The following VTA1 variants were observed in gnomAD, a reference collection of about 807,000 sequenced individuals.
VTA1 encodes the protein vacuolar protein sorting-associated protein VTA1 homolog.
Under a neutral mutation model 36.9 loss-of-function variants are expected in VTA1, and 24 were observed. The ratio of observed to expected loss-of-function variants is 0.65; its 90% confidence interval spans 0.47 to 0.91. VTA1 has a LOEUF of 0.91. Ranked by LOEUF, VTA1 falls within the 40% of genes least tolerant of loss-of-function variation. The pLI is 0.00. For synonymous variants in VTA1, 142 were observed against 130.2 expected, an observed-to-expected ratio of 1.09 and a Z score of -0.62; for missense variants, 393 against 377.2, an observed-to-expected ratio of 1.04 and a Z score of -0.35.
chr6:142,195,010 A>G (rs1219996984), intron 5 of VTA1, among the ~76,000 whole-genome samples: 2 of 152,118 alleles, frequency 1.3e-5, no homozygotes, highest in African/African-American at 4.8e-5. Context: ...GAGGCCTTGT[A>G]TTATATGGCT....
Position 142,189,543 on chromosome 6 carries a change from T to G in VTA1, c.520+9T>G, listed in dbSNP as rs200416483. 2 of 467,816 alleles carry G rather than the reference T, an allele frequency of 4.3e-6. No individual in the cohort carries two copies. Among genetic ancestry groups the G allele is most frequent in the African/African-American group, 3.7e-5 (2 of 53,848 alleles). The allele number at this position is 467,816 out of a possible 1,614,324, so 29.0% of individuals were successfully genotyped here. On this transcript the variant is annotated intron_variant, in intron 5 of 7. Transcript: ENST00000367630. ...AATTGAAGAAGATAATGGTATGTAT[T>G]TATTTATTCTGAGTAAAAGGACTTA... is the stretch of plus-strand genomic sequence containing the variant.
intron 1 of VTA1, among the ~76,000 whole-genome samples, chr6:142,158,467 G>T (rs976940648): frequency 6.6e-6 from 1 of 152,196 alleles, no homozygotes; most frequent in East Asian, 1.9e-4. Context: ...GTGACTAAAT[G>T]AATACATGAT....
chr6:142,151,949 G>T (rs768801093), intron 1 of VTA1, among the ~76,000 whole-genome samples: 3 of 152,170 alleles, frequency 2.0e-5, no homozygotes, highest in African/African-American at 7.2e-5. Context: ...CAGGAGAATT[G>T]CTTGAACCTG....
intron 1 of VTA1, among the ~76,000 whole-genome samples, chr6:142,165,932 C>A (rs566415930): frequency 5.9e-4 from 89 of 150,938 alleles, no homozygotes; most frequent in African/African-American, 2.1e-3. Context: ...CTCTGTCTTA[C>A]CAATTAAATT....
At chr6:142,181,094 A>AAAATATATAT (rs1471429927) in intron 4 of VTA1, among the ~76,000 whole-genome samples, 9 of 36,440 alleles carry the variant, frequency 2.5e-4, no homozygotes, top group East Asian at 7.6e-4. Flanking sequence ...AAAAAAAAAA[A>AAAATATATAT]ATATATATAT....
rs577954959 is a variant in VTA1, at chr6:142,220,590, C to T, written c.*1947C>T. On this transcript the variant is annotated 3_prime_UTR_variant, in exon 8 of 8. Transcript: ENST00000367630. ...TAAATGTTTAGTGTCAATACTAATGCTCTAATAATGTAAATTGTTAATAAT... is the reference window on the plus strand; with the variant it reads ...TAAATGTTTAGTGTCAATACTAATGTTCTAATAATGTAAATTGTTAATAAT... 4 of 152,254 alleles carry T rather than the reference C, an allele frequency of 2.6e-5. No individual in the cohort carries two copies. The highest frequency in any genetic ancestry group is 9.6e-5 in the African/African-American group (4 of 41,556). The allele number at this position is 152,254 out of a possible 1,614,324, so 9.4% of individuals were successfully genotyped here.
chr6:142,181,212 C>G (rs1411716793), intron 4 of VTA1, among the ~76,000 whole-genome samples: 1 of 144,880 alleles, frequency 6.9e-6, no homozygotes, highest in East Asian at 2.0e-4. Flanking sequence ...CACCTCTCTG[C>G]AAGCTCCGCT....
intron 5 of VTA1, among the ~76,000 whole-genome samples, chr6:142,192,081 T>C (rs917423396): frequency 3.3e-5 from 5 of 152,080 alleles, no homozygotes; most frequent in African/African-American, 9.7e-5. Flanking sequence ...TCTAGCTGAA[T>C]ACCACATCAC....
In VTA1 at chr6:142,204,064, G is replaced by C. The variant is rs144988048; in HGVS notation, c.777G>C (p.Gln259His). 180 of 1,613,050 alleles carry C rather than the reference G, an allele frequency of 1.1e-4. 1 individual carries two copies. The African/African-American group carries it at 1.8e-3, about 16-fold the overall frequency. ...CCGCACTTTTCAATACAATTTCCCA[G>C]GGTAAGTCAGCTGACTATTTTGTGA... ...IDPALFNTIS[Q>H]GDVRLTPEDF... The change falls in exon 7 of 8, where the codon CAG (glutamine) becomes CAC (histidine). Residue 259 changes from glutamine to histidine, a missense_variant and splice_region_variant. Coordinates refer to ENST00000367630, the MANE Select transcript of VTA1 (RefSeq NM_016485.5).
chr6:142,196,150 A>G (rs1488241701), intron 5 of VTA1, among the ~76,000 whole-genome samples: 1 of 152,120 alleles, frequency 6.6e-6, no homozygotes, highest in Non-Finnish European at 1.5e-5. Flanking sequence ...ATTATTATGG[A>G]ACATCCCACT....
rs1776151010 is a variant in VTA1 at position 142,223,514 on chromosome 6, A to G, written c.*4871A>G. ...TATTATTAGATACTTCCTCAATTAA[A>G]TTTCTCCCTGAAAGTCTTAGGCAAA... is the stretch of plus-strand genomic sequence containing the variant. On this transcript the variant is annotated 3_prime_UTR_variant, in exon 8 of 8. Transcript: ENST00000367630. 1 of 152,162 alleles carries G rather than the reference A, an allele frequency of 6.6e-6. No individual in the cohort carries two copies. The highest frequency in any genetic ancestry group is 1.5e-5 in the Non-Finnish European group (1 of 68,032). 9.4% of individuals were successfully genotyped at this position (152,162 alleles called of 1,614,324 possible). A position where few individuals can be genotyped will look rare whatever the true frequency, so the allele number is the denominator to read the frequency against.
At chr6:142,164,856 A>G (rs1774884597) in intron 1 of VTA1, among the ~76,000 whole-genome samples, 1 of 152,218 alleles carries the variant, frequency 6.6e-6, no homozygotes, top group South Asian at 2.1e-4. Context: ...ATGTTTATCA[A>G]GGGCCAACCA....
rs142309835 is a variant in VTA1 at position 142,193,836 on chromosome 6, A to G, written c.520+4302A>G. Among the ~76,000 whole-genome samples the G allele has an allele frequency of 1.4e-4, 22 of 152,078 alleles. No homozygotes were observed. The East Asian group carries it at 3.5e-3, about 24-fold the overall frequency. On this transcript the variant is annotated intron_variant, in intron 5 of 7. Coordinates refer to ENST00000367630, the MANE Select transcript of VTA1 (RefSeq NM_016485.5). Reference sequence around the variant, plus strand: ...GCAGTACACTTCACTGTCCTACCTCAGGGGTATATCAACTCTCCAGCTCTA... The same window carrying G: ...GCAGTACACTTCACTGTCCTACCTCGGGGGTATATCAACTCTCCAGCTCTA...
At chr6:142,204,385 C>T (rs559248619) in intron 7 of VTA1, among the ~76,000 whole-genome samples, 12 of 152,036 alleles carry the variant, frequency 7.9e-5, no homozygotes, top group Admixed American at 2.6e-4. Context: ...TAATTTAGTT[C>T]GAGATTACCA....
At position 142,218,582 on chromosome 6, in the gene VTA1, T is replaced by G. The variant is rs1261477441; in HGVS notation, c.863T>G (p.Val288Gly). The G allele has an allele frequency of 1.9e-6, 3 of 1,613,474 alleles. No homozygotes were observed. The African/African-American group carries it at 4.0e-5, about 22-fold the overall frequency. The change falls in exon 8 of 8, where the codon GTA (valine) becomes GGA (glycine). Residue 288 changes from valine (V) to glycine (G), a missense_variant. By Grantham distance (109) the Val-to-Gly change is moderately radical. Coordinates refer to ENST00000367630, the MANE Select transcript of VTA1 (RefSeq NM_016485.5). ...GGCAGTGCTTTGCAGTATGAAGATG[T>G]AAGCACTGCTGTCCAGAATCTACAA... ...YAGSALQYED[V>G]STAVQNLQKA...
intron 7 of VTA1, among the ~76,000 whole-genome samples, chr6:142,215,254 C>A (rs951139224): frequency 6.6e-6 from 1 of 152,024 alleles, no homozygotes; most frequent in East Asian, 1.9e-4. Context: ...TTGGCTAACA[C>A]GGTGAAACCC....
At chr6:142,201,232 A>G (rs777322127) in intron 6 of VTA1, among the ~76,000 whole-genome samples, 1 of 151,922 alleles carries the variant, frequency 6.6e-6, no homozygotes, top group South Asian at 2.1e-4. Context: ...GCCTAATAAA[A>G]AACAAAATAA....
At chr6:142,204,167 G>T in intron 7 of VTA1, 102 bp downstream of exon 7, 1 of 1,039,848 alleles carries the variant, frequency 9.6e-7, no homozygotes, top group Non-Finnish European at 1.4e-6. Context: ...TGTTGTTACT[G>T]AAATTTGAAT....
chr6:142,155,614 T>C (rs1477567310), intron 1 of VTA1, among the ~76,000 whole-genome samples: 2 of 152,188 alleles, frequency 1.3e-5, no homozygotes, highest in Admixed American at 6.5e-5. Flanking sequence ...ATTTGAGTTC[T>C]GAATCACCTT....
Sources: allele counts gnomAD v4.1 joint callset (sites outside exome capture counted in the v4.1 genomes callset), GRCh38; gene constraint gnomAD v4.1.1; transcripts MANE v1.5; gene names NCBI Gene and HGNC (gene_info 2026-07-23, HGNC 2026-07-21).